Variants in CBLB observed in about 807,000 individuals in gnomAD.
CBLB encodes the protein E3 ubiquitin-protein ligase CBL-B.
In CBLB, 31 loss-of-function variants were observed where a neutral mutation model predicts 104.9. That is an observed-to-expected ratio of 0.30 (90% CI 0.22 to 0.40). The LOEUF (loss-of-function observed/expected upper bound fraction) is 0.40. Ranked by LOEUF, CBLB falls within the 10% of genes least tolerant of loss-of-function variation. The pLI, the probability that CBLB is intolerant of heterozygous loss-of-function variation, is 1.00. For missense variants in CBLB, 1,062 were observed against 1,214.6 expected (o/e 0.87, Z 1.87); for synonymous variants, 440 against 422.6 (o/e 1.04, Z -0.51).
intron 3 of CBLB, among the ~76,000 whole-genome samples, chr3:105,794,730 T>C (rs1259235940): frequency 6.6e-6 from 1 of 152,116 alleles, no homozygotes; most frequent in Non-Finnish European, 1.5e-5. Context: ...ATTAAATGAC[T>C]AAAAAATGTT....
chr3:105,675,133 C>T (rs2065458990), intron 17 of CBLB, among the ~76,000 whole-genome samples: 1 of 152,124 alleles, frequency 6.6e-6, no homozygotes, highest in Admixed American at 6.5e-5. Flanking sequence ...TCCTAAGACA[C>T]CTATCATTTG....
At chr3:105,853,730 G>C in intron 2 of CBLB, 66 bp from the exon 3 acceptor site, 7 of 1,109,392 alleles carry the variant, frequency 6.3e-6, no homozygotes, top group Non-Finnish European at 9.1e-6. Flanking sequence ...TAAAAAGTTA[G>C]AGAACCATGT....
intron 10 of CBLB, among the ~76,000 whole-genome samples, chr3:105,706,691 C>G (rs1036492277): frequency 2.6e-5 from 4 of 152,032 alleles, no homozygotes; most frequent in Admixed American, 1.3e-4. Flanking sequence ...AAAGCTATTA[C>G]CTGAAAAAAA....
At chr3:105,805,947 A>C (rs200435305) in intron 3 of CBLB, among the ~76,000 whole-genome samples, 2 of 135,004 alleles carry the variant, frequency 1.5e-5, no homozygotes, top group Non-Finnish European at 3.3e-5. Flanking sequence ...AAAAAAAAAA[A>C]ACAGAAAAAA....
At chr3:105,849,751 A>T (rs530896775) in intron 3 of CBLB, among the ~76,000 whole-genome samples, 1 of 152,122 alleles carries the variant, frequency 6.6e-6, no homozygotes. Context: ...TGCCTTGTCA[A>T]TGTACTGATA....
At chr3:105,754,026 T>C (rs1325135085) in intron 4 of CBLB, among the ~76,000 whole-genome samples, 1 of 152,132 alleles carries the variant, frequency 6.6e-6, no homozygotes, top group African/African-American at 2.4e-5. Context: ...TAATAGGGAT[T>C]AGGGAGCCAG....
chr3:105,836,967 CA>C (rs34209714), intron 3 of CBLB, among the ~76,000 whole-genome samples: 106,696 of 145,004 alleles, frequency 0.74, 39,356 homozygotes, highest in Middle Eastern at 0.8. Context: ...AAAACAAGAC[CA>C]AAAAAAAAAA....
chr3:105,743,453 C>CTT (rs1477091032), intron 6 of CBLB, among the ~76,000 whole-genome samples: 2 of 123,232 alleles, frequency 1.6e-5, no homozygotes, highest in Non-Finnish European at 3.5e-5. Context: ...CAGTGAGACT[C>CTT]TGTCTCAAAA....
intron 3 of CBLB, among the ~76,000 whole-genome samples, chr3:105,830,803 C>T (rs1577613661): frequency 6.6e-6 from 1 of 152,136 alleles, no homozygotes; most frequent in Non-Finnish European, 1.5e-5. Context: ...CAAAAACCAC[C>T]AAATTTATGT....
intron 3 of CBLB, among the ~76,000 whole-genome samples, chr3:105,789,198 C>T (rs866200242): frequency 4.6e-5 from 7 of 152,134 alleles, no homozygotes; most frequent in African/African-American, 7.2e-5. Flanking sequence ...GTTATTAGCA[C>T]TATTAGAGCT....
chr3:105,801,547 C>T (rs528501780), intron 3 of CBLB, among the ~76,000 whole-genome samples: 1 of 152,304 alleles, frequency 6.6e-6, no homozygotes, highest in South Asian at 2.1e-4. Context: ...TTACGAAGAA[C>T]TTTGATGTGC....
At chr3:105,787,466 T>TAC (rs1280410174) in intron 3 of CBLB, among the ~76,000 whole-genome samples, 1 of 152,188 alleles carries the variant, frequency 6.6e-6, no homozygotes, top group Non-Finnish European at 1.5e-5. Flanking sequence ...TTGTGGTACA[T>TAC]ACGTTCTATG....
chr3:105,838,841 T>C (rs890816735), intron 3 of CBLB, among the ~76,000 whole-genome samples: 2 of 152,092 alleles, frequency 1.3e-5, no homozygotes, highest in African/African-American at 2.4e-5. Flanking sequence ...GGTTTCACCA[T>C]GTTGGCCAGG....
rs752733613 is a variant in CBLB, at chr3:105,867,374, T to C, written c.168+36A>G. 14 of 1,584,932 alleles carry C rather than the reference T, an allele frequency of 8.8e-6. No individual in the cohort carries two copies. The South Asian group carries it at 1.4e-4, about 16-fold the overall frequency. The stretch of plus-strand genomic sequence containing the variant: ...CTGGAGAAACCACAGACAAAGTGAA[T>C]AGTGTTTCGCACAGGCAACGTCAGA... On this transcript the variant is annotated intron_variant, in intron 2 of 18. Coordinates refer to ENST00000394030, the MANE Select transcript of CBLB (RefSeq NM_170662.5).
chr3:105,698,241 A>G (rs1207672318), intron 12 of CBLB, among the ~76,000 whole-genome samples: 1 of 152,094 alleles, frequency 6.6e-6, no homozygotes, highest in African/African-American at 2.4e-5. Flanking sequence ...ATGAGCTAGA[A>G]TAATTTTTTC....
chr3:105,842,493 T>C (rs1341581890), intron 3 of CBLB, among the ~76,000 whole-genome samples: 6 of 152,248 alleles, frequency 3.9e-5, no homozygotes, highest in African/African-American at 1.2e-4. Flanking sequence ...CGTTTCTCCC[T>C]TGCCCTTCTT....
intron 2 of CBLB, among the ~76,000 whole-genome samples, chr3:105,858,351 C>T (rs749879141): frequency 2.6e-5 from 4 of 152,044 alleles, no homozygotes; most frequent in Non-Finnish European, 5.9e-5. Flanking sequence ...TGAATACCTG[C>T]TATGTGCAAG....
chr3:105,838,662 T>C (rs1483723330), intron 3 of CBLB, among the ~76,000 whole-genome samples: 1 of 146,468 alleles, frequency 6.8e-6, no homozygotes, highest in Non-Finnish European at 1.5e-5. Context: ...CAGAAATGTA[T>C]CCTTCTTTTT....
intron 3 of CBLB, among the ~76,000 whole-genome samples, chr3:105,777,698 T>C (rs2079648434): frequency 6.6e-6 from 1 of 152,226 alleles, no homozygotes. Flanking sequence ...GAAGACTTGA[T>C]GAAGTCTGTT....
Sources: gnomAD v4.1 joint callset for allele counts (sites outside exome capture counted in the v4.1 genomes callset) on GRCh38, gnomAD v4.1.1 for gene constraint, MANE v1.5 for transcripts, NCBI Gene and HGNC (gene_info 2026-07-23, HGNC 2026-07-21) for gene names.